The following SLC25A20 variants were observed in gnomAD, a reference collection of about 807,000 sequenced individuals.
SLC25A20 encodes the protein mitochondrial carnitine/acylcarnitine carrier protein.
In SLC25A20, 29 loss-of-function variants were observed where a neutral mutation model predicts 39.7. That is an observed-to-expected ratio of 0.73 (90% CI 0.54 to 1.00). The LOEUF is 1.00. SLC25A20 is among the 50% of genes least tolerant of loss of function. The probability of loss-of-function intolerance (pLI) is 0.00; values close to 1 mark genes in which losing one functional copy is unlikely to be tolerated. For synonymous variants in SLC25A20, 103 were observed against 142.2 expected (o/e 0.72, Z 1.96); for missense variants, 333 against 379.9 (o/e 0.88, Z 1.03).
chr3:48,877,212 C>T (rs1379537144), intron 4 of SLC25A20, among the ~76,000 whole-genome samples: 1 of 151,134 alleles, frequency 6.6e-6, no homozygotes, highest in Non-Finnish European at 1.5e-5. Flanking sequence ...GTCAGGAATT[C>T]GAGACCAGCC....
In SLC25A20 at chr3:48,891,973, T is replaced by C. The variant is rs759885706; in HGVS notation, c.198+7A>G. On this transcript the variant is annotated splice_region_variant and intron_variant, in intron 2 of 8. Transcript: ENST00000319017. ...AGTAAGAGGAATGCCCAGCACCATA[T>C]ACCAACCTCTCTAAAAAGAGTCTTC... The C allele has an allele frequency of 3.7e-6, 6 of 1,607,800 alleles. No individual in the cohort carries two copies. The highest frequency in any genetic ancestry group is 1.3e-5 in the African/African-American group (1 of 74,896).
chr3:48,871,737 A>C (rs2083716587), intron 4 of SLC25A20, among the ~76,000 whole-genome samples: 1 of 150,448 alleles, frequency 6.6e-6, no homozygotes, highest in South Asian at 2.1e-4. Context: ...ATTGCACTCC[A>C]GCCTGGGCAA....
intron 2 of SLC25A20, among the ~76,000 whole-genome samples, chr3:48,891,108 T>C (rs555670400): frequency 4.3e-4 from 66 of 152,250 alleles, no homozygotes; most frequent in African/African-American, 1.5e-3. Context: ...TCTCCACACA[T>C]GGGGAAAACA....
intron 4 of SLC25A20, among the ~76,000 whole-genome samples, chr3:48,871,543 G>A (rs949916239): frequency 1.8e-4 from 28 of 152,056 alleles, no homozygotes; most frequent in Admixed American, 7.2e-4. Context: ...TGAGGTGGGC[G>A]GATCACCTGA....
At chr3:48,886,934 C>T (rs2083833909) in intron 2 of SLC25A20, among the ~76,000 whole-genome samples, 1 of 152,194 alleles carries the variant, frequency 6.6e-6, no homozygotes, top group African/African-American at 2.4e-5. Flanking sequence ...GCTGAAGAAC[C>T]TGCCTCACTG....
At chr3:48,862,794 C>A in intron 4 of SLC25A20, 135 bp from the exon 5 acceptor site, 1 of 708,286 alleles carries the variant, frequency 1.4e-6, no homozygotes, top group South Asian at 1.5e-5. Context: ...TGATAAGTAT[C>A]TGGAATGTGT....
chr3:48,858,435 C>T (rs1029250507), intron 8 of SLC25A20, 72 bp downstream of exon 8: 5 of 1,608,606 alleles, frequency 3.1e-6, no homozygotes, highest in Non-Finnish European at 4.2e-6. Context: ...ATCCCAGGAA[C>T]AAGCAAAAGT....
intron 2 of SLC25A20, among the ~76,000 whole-genome samples, chr3:48,885,705 G>C (rs1418438273): frequency 6.6e-6 from 1 of 152,106 alleles, no homozygotes; most frequent in Non-Finnish European, 1.5e-5. Context: ...CAGGAGCTGA[G>C]GCATGAGAAT....
chr3:48,874,758 T>C lies in SLC25A20; in HGVS notation c.417+4600A>G, dbSNP rs1164607734. Among the ~76,000 whole-genome samples, 4 of 151,546 alleles carry C rather than the reference T, an allele frequency of 2.6e-5. No homozygotes were observed. In the East Asian group the frequency reaches 7.9e-4, roughly 30 times the overall value. ...ATACGAATGAATCTCTAGAAAATTA[T>C]GCTGAGGGCTGGGCATGGTGGCTCA... On this transcript the variant is annotated intron_variant, in intron 4 of 8. Coordinates refer to ENST00000319017, the MANE Select transcript of SLC25A20 (RefSeq NM_000387.6).
chr3:48,896,613 C>T (rs923748961), intron 1 of SLC25A20, among the ~76,000 whole-genome samples: 4 of 151,998 alleles, frequency 2.6e-5, no homozygotes, highest in Non-Finnish European at 5.9e-5. Context: ...TGGGTTCAAG[C>T]GATTCTCCTG....
chr3:48,877,301 C>T (rs530117646), intron 4 of SLC25A20, among the ~76,000 whole-genome samples: 122 of 152,040 alleles, frequency 8.0e-4, no homozygotes, highest in African/African-American at 2.8e-3. Context: ...GTAATCCCAG[C>T]GATTCAGGAG....
At chr3:48,859,062 C>T (rs2083602787) in intron 7 of SLC25A20, 30 bp downstream of exon 7, 9 of 1,579,024 alleles carry the variant, frequency 5.7e-6, no homozygotes, top group Non-Finnish European at 7.8e-6. Flanking sequence ...ACCCACTCTC[C>T]CCCTGTCCAC....
intron 1 of SLC25A20, among the ~76,000 whole-genome samples, chr3:48,898,462 C>T (rs1184790782): frequency 2.0e-5 from 3 of 152,352 alleles, no homozygotes; most frequent in South Asian, 2.1e-4. Context: ...AACTTTACAT[C>T]AGAGCTCTTG....
chr3:48,881,395 CTG>C (rs1414854399), intron 3 of SLC25A20, among the ~76,000 whole-genome samples: 4 of 152,196 alleles, frequency 2.6e-5, no homozygotes, highest in Non-Finnish European at 2.9e-5. Context: ...GGACTGGAGA[CTG>C]TCTCTGAATA....
intron 2 of SLC25A20, among the ~76,000 whole-genome samples, chr3:48,888,318 T>A (rs2083847680): frequency 6.7e-6 from 1 of 150,340 alleles, no homozygotes; most frequent in Admixed American, 6.6e-5. Context: ...ATGCCTGTAA[T>A]CCCAGCACTT....
At chr3:48,891,142 A>G (rs1456398471) in intron 2 of SLC25A20, among the ~76,000 whole-genome samples, 1 of 150,058 alleles carries the variant, frequency 6.7e-6, no homozygotes, top group Non-Finnish European at 1.5e-5. Context: ...GTAGGGCTGG[A>G]CCCTACACTG....
chr3:48,889,956 G>A (rs1443672787), intron 2 of SLC25A20, among the ~76,000 whole-genome samples: 2 of 152,168 alleles, frequency 1.3e-5, no homozygotes, highest in South Asian at 2.1e-4. Flanking sequence ...CATAAGGGCC[G>A]CTTGAGGGCT....
intron 1 of SLC25A20, among the ~76,000 whole-genome samples, chr3:48,898,098 T>C (rs1191294568): frequency 6.6e-6 from 1 of 152,148 alleles, no homozygotes; most frequent in Admixed American, 6.6e-5. Context: ...TTGCTTTCCG[T>C]GGAAGGGGCT....
rs1039255934 is a variant in SLC25A20, at chr3:48,898,808, G to A, written c.-14C>T. ...CTGGTCGGCCATGGTCAGTCCGTCT[G>A]TCACTCCGTCTGTCAGTTCTCGGGC... On this transcript the variant is annotated 5_prime_UTR_variant, in exon 1 of 9. Coordinates refer to ENST00000319017, the MANE Select transcript of SLC25A20 (RefSeq NM_000387.6). 7.7e-6 allele frequency: 12 copies of A among 1,554,554 alleles called. No individual in the cohort carries two copies. The highest frequency in any genetic ancestry group is 9.6e-6 in the Non-Finnish European group (11 of 1,148,748).
Sources: allele counts gnomAD v4.1 joint callset (sites outside exome capture counted in the v4.1 genomes callset), GRCh38; gene constraint gnomAD v4.1.1; transcripts MANE v1.5; gene names NCBI Gene and HGNC (gene_info 2026-07-23, HGNC 2026-07-21).